The following TNKS variants were observed in gnomAD, a reference collection of about 807,000 sequenced individuals.
TNKS encodes the protein tankyrase.
A neutral mutation model predicts 135.8 loss-of-function variants in TNKS; 72 were observed. The ratio of observed to expected loss-of-function variants is 0.53; its 90% confidence interval spans 0.44 to 0.64. The LOEUF is 0.64. TNKS is among the 30% of genes least tolerant of loss of function. The pLI, the probability that TNKS is intolerant of heterozygous loss-of-function variation, is 0.00. For synonymous variants in TNKS, 849 were observed against 649.3 expected (o/e 1.31, Z -4.68); for missense variants, 1,769 against 1,674.0 (o/e 1.06, Z -0.99).
intron 3 of TNKS, among the ~76,000 whole-genome samples, chr8:9,671,643 G>A (rs1802274723): frequency 6.6e-6 from 1 of 152,138 alleles, no homozygotes; most frequent in South Asian, 2.1e-4. Context: ...TGACTTTTTG[G>A]TGTGATAGAA....
Position 9,781,729 on chromosome 8 carries a change from G to A in TNKS, c.*4993G>A, listed in dbSNP as rs1253716787. On this transcript the variant is annotated 3_prime_UTR_variant, in exon 27 of 27. Transcript: ENST00000310430. The stretch of plus-strand genomic sequence containing the variant: ...GTTATGTTGCCTGGCAACAGCACTC[G>A]GAGTAGTAATTGTGTTTTCTCATTG... The A allele has an allele frequency of 4.6e-5, 7 of 152,600 alleles. No individual in the cohort carries two copies. The highest frequency in any genetic ancestry group is 8.8e-5 in the Non-Finnish European group (6 of 68,042). The allele number at this position is 152,600 out of a possible 1,614,324, so 9.5% of individuals were successfully genotyped here. A position where few individuals can be genotyped will look rare whatever the true frequency, so the allele number is the denominator to read the frequency against.
intron 3 of TNKS, among the ~76,000 whole-genome samples, chr8:9,628,033 T>A (rs1401962406): frequency 6.6e-6 from 1 of 152,216 alleles, no homozygotes; most frequent in African/African-American, 2.4e-5. Flanking sequence ...TCTCGTCTAC[T>A]TTTTGCTCTG....
chr8:9,650,321 C>T (rs966135814), intron 3 of TNKS, among the ~76,000 whole-genome samples: 1 of 152,104 alleles, frequency 6.6e-6, no homozygotes, highest in Non-Finnish European at 1.5e-5. Context: ...ACTTACTTTC[C>T]TCTGGGTAGA....
rs571775974 is a variant in TNKS at position 9,602,504 on chromosome 8, G to T, written c.899-13078G>T. The stretch of plus-strand genomic sequence containing the variant: ...TTCCCAGGGTATCACAAGGCATTGA[G>T]CCACCACTCAGATTAACTGAGGTTC... On this transcript the variant is annotated intron_variant, in intron 2 of 26. Transcript: ENST00000310430. Among the ~76,000 whole-genome samples, 26 of 152,322 alleles carry T rather than the reference G, an allele frequency of 1.7e-4. No individual in the cohort carries two copies. In the Middle Eastern group the frequency reaches 0.01, roughly 60 times the overall value.
At chr8:9,688,675 T>C (rs1803121452) in intron 5 of TNKS, among the ~76,000 whole-genome samples, 1 of 152,222 alleles carries the variant, frequency 6.6e-6, no homozygotes, top group African/African-American at 2.4e-5. Context: ...AGTCTTGCAC[T>C]GTCGCCCAGG....
At chr8:9,664,198 A>G (rs746100444) in intron 3 of TNKS, among the ~76,000 whole-genome samples, 24 of 152,270 alleles carry the variant, frequency 1.6e-4, no homozygotes, top group South Asian at 1.0e-3. Flanking sequence ...GCCAGCATCT[A>G]TGTCTGGTGA....
In TNKS at chr8:9,771,624, AAG is replaced by A. The variant is rs1407658715; in HGVS notation, c.3897+1365_3897+1366del. 1.2e-4 allele frequency among the ~76,000 whole-genome samples: 13 copies of A among 104,804 alleles called. No individual in the cohort carries two copies. In the East Asian group the frequency reaches 4.0e-3, roughly 32 times the overall value. The allele number at this position is 104,804 out of a possible 152,430, so 68.8% of individuals were successfully genotyped here. A position where few individuals can be genotyped will look rare whatever the true frequency, so the allele number is the denominator to read the frequency against. On this transcript the variant is annotated intron_variant, in intron 26 of 26. Coordinates refer to ENST00000310430, the MANE Select transcript of TNKS (RefSeq NM_003747.3). ...AAAGAAGGGAGGAAGAGAGGAAGGAAAGAGGGAGGGAAAGAGAGAGAGGGATG... is the reference window on the plus strand; with the variant it reads ...AAAGAAGGGAGGAAGAGAGGAAGGAAAGGGAGGGAAAGAGAGAGAGGGATG...
At position 9,777,436 on chromosome 8, in the gene TNKS, C is replaced by CT. The variant is rs1403721975; in HGVS notation, c.*702dup. The CT allele has an allele frequency of 6.6e-6, 1 of 152,238 alleles. No homozygotes were observed. The highest frequency in any genetic ancestry group is 1.5e-5 in the Non-Finnish European group (1 of 68,088). The allele number at this position is 152,238 out of a possible 1,614,324, so 9.4% of individuals were successfully genotyped here. A position where few individuals can be genotyped will look rare whatever the true frequency, so the allele number is the denominator to read the frequency against. On this transcript the variant is annotated 3_prime_UTR_variant, in exon 27 of 27. Coordinates refer to ENST00000310430, the MANE Select transcript of TNKS (RefSeq NM_003747.3). ...AGTACCTTTTTATGAATTGGCCTAT[C>CT]TTACAAGAGAAGGGCACAAACACCA...
At chr8:9,588,660 C>G (rs924645865) in intron 2 of TNKS, among the ~76,000 whole-genome samples, 1 of 152,184 alleles carries the variant, frequency 6.6e-6, no homozygotes, top group Non-Finnish European at 1.5e-5. Flanking sequence ...GAACTGAAGA[C>G]TAGGGCCCCA....
intron 5 of TNKS, among the ~76,000 whole-genome samples, chr8:9,699,617 C>G (rs1803699308): frequency 6.6e-6 from 1 of 152,122 alleles, no homozygotes; most frequent in Non-Finnish European, 1.5e-5. Flanking sequence ...AAGTCTCACC[C>G]AGCTTGTTCT....
At chr8:9,718,494 C>T (rs56391258) in intron 11 of TNKS, among the ~76,000 whole-genome samples, 1,800 of 152,224 alleles carry the variant, frequency 0.012, 18 homozygotes, top group Middle Eastern at 0.037. Flanking sequence ...GTCTGCTTGC[C>T]GGTTTCCAGA....
chr8:9,649,891 T>C lies in TNKS; in HGVS notation c.995-30060T>C, dbSNP rs968762299. Among the ~76,000 whole-genome samples, 578 of 97,982 alleles carry C rather than the reference T, an allele frequency of 5.9e-3. 7 individuals are homozygous for C. Among genetic ancestry groups the C allele is most frequent in the African/African-American group, 0.02 (548 of 27,630 alleles). The allele number at this position is 97,982 out of a possible 152,430, so 64.3% of individuals were successfully genotyped here. A position where few individuals can be genotyped will look rare whatever the true frequency, so the allele number is the denominator to read the frequency against. ...TTCTTTTCTTTTCTTTTTTTTTTTT[T>C]TTTTTTTTTTTTTTTTGAGATGGAG... On this transcript the variant is annotated intron_variant, in intron 3 of 26. Coordinates refer to ENST00000310430, the MANE Select transcript of TNKS (RefSeq NM_003747.3).
intron 3 of TNKS, among the ~76,000 whole-genome samples, chr8:9,637,316 G>T (rs1051241585): frequency 4.5e-4 from 69 of 152,274 alleles, no homozygotes; most frequent in African/African-American, 1.7e-3. Context: ...GACTGGTTCT[G>T]TGTACCAGTT....
At chr8:9,652,400 C>A (rs948412721) in intron 3 of TNKS, among the ~76,000 whole-genome samples, 3 of 151,990 alleles carry the variant, frequency 2.0e-5, no homozygotes, top group East Asian at 1.9e-4. Context: ...TATTTAAGGC[C>A]CTGTCTTTTT....
Position 9,580,960 on chromosome 8 carries a change from A to G in TNKS, c.898+577A>G, listed in dbSNP as rs560503512. The stretch of plus-strand genomic sequence containing the variant: ...CAATCAGCATTTTGTTCTCTCATAT[A>G]TATTCACATTTTGCTTTGCTGTATA... On this transcript the variant is annotated intron_variant, in intron 2 of 26. Transcript: ENST00000310430. Among the ~76,000 whole-genome samples the G allele has an allele frequency of 5.4e-4, 83 of 152,322 alleles. 1 individual carries two copies. Among genetic ancestry groups the G allele is most frequent in the Middle Eastern group, 3.4e-3 (1 of 294 alleles).
chr8:9,598,440 G>A (rs1798875453), intron 2 of TNKS, among the ~76,000 whole-genome samples: 1 of 152,084 alleles, frequency 6.6e-6, no homozygotes, highest in African/African-American at 2.4e-5. Context: ...CCTTGGGAGG[G>A]AGGATGTTTT....
chr8:9,567,447 G>A (rs960187809), intron 1 of TNKS, among the ~76,000 whole-genome samples: 3 of 152,034 alleles, frequency 2.0e-5, no homozygotes, highest in African/African-American at 7.2e-5. Flanking sequence ...ACGGAGTCTC[G>A]CTCTGTCGCC....
At chr8:9,564,338 A>G (rs903838802) in intron 1 of TNKS, among the ~76,000 whole-genome samples, 2 of 152,180 alleles carry the variant, frequency 1.3e-5, no homozygotes, top group African/African-American at 2.4e-5. Context: ...GATAGGAGGC[A>G]TATCATCAAA....
At chr8:9,699,289 T>C (rs1362084455) in intron 5 of TNKS, among the ~76,000 whole-genome samples, 1 of 152,236 alleles carries the variant, frequency 6.6e-6, no homozygotes, top group Non-Finnish European at 1.5e-5. Flanking sequence ...AGTTGAGATA[T>C]AAATTTGGCA....
Sources: allele counts gnomAD v4.1 joint callset (sites outside exome capture counted in the v4.1 genomes callset), GRCh38; gene constraint gnomAD v4.1.1; transcripts MANE v1.5; gene names NCBI Gene and HGNC (gene_info 2026-07-23, HGNC 2026-07-21).